The following ELAVL2 variants were observed in gnomAD, a reference collection of about 807,000 sequenced individuals.
ELAVL2 encodes ELAV-like protein 2.
In ELAVL2, 4 loss-of-function variants were observed where a neutral mutation model predicts 34.6. The observed-to-expected ratio is 0.12, with a 90% CI of 0.06 to 0.26. ELAVL2 has a LOEUF of 0.26. Ranked by LOEUF, ELAVL2 falls within the 10% of genes least tolerant of loss-of-function variation. ELAVL2 has a pLI of 1.00. For synonymous variants in ELAVL2, 193 were observed against 154.8 expected, an observed-to-expected ratio of 1.25 and a Z score of -1.83; for missense variants, 432 against 442.8, an observed-to-expected ratio of 0.98 and a Z score of 0.22.
chr9:23,847,440 C>T, the ELAVL2 span: 2 of 151,954 alleles, frequency 1.3e-5, no homozygotes, highest in Non-Finnish European at 2.9e-5. Context: ...CAATGACTTT[C>T]TATGAGAGTA....
chr9:23,746,067 T>G (rs142579380), intron 2 of ELAVL2, among the ~76,000 whole-genome samples: 11 of 152,206 alleles, frequency 7.2e-5, no homozygotes, highest in African/African-American at 2.6e-4. Context: ...CCTACTATTT[T>G]CAAAATTAAA....
chr9:23,845,587 G>C, the ELAVL2 span, among the ~76,000 whole-genome samples: 4 of 151,000 alleles, frequency 2.6e-5, no homozygotes, highest in Non-Finnish European at 5.9e-5. Context: ...TAATAACCTG[G>C]TTCTTAAAAT....
In ELAVL2 at chr9:23,727,852, G is replaced by A. The variant is rs554318835; in HGVS notation, c.333+3170C>T. 2.0e-5 allele frequency among the ~76,000 whole-genome samples: 3 copies of A among 152,152 alleles called. No individual in the cohort carries two copies. In the East Asian group the frequency reaches 5.8e-4, roughly 29 times the overall value. ...CCTACTGAGCTAATGCTATTAGGGA[G>A]CCCCAGGAGAAACTGCTAAATAAAC... On this transcript the variant is annotated intron_variant, in intron 3 of 6. Coordinates refer to ENST00000397312, the MANE Select transcript of ELAVL2 (RefSeq NM_004432.5).
chr9:23,750,205 T>A (rs2135534548), intron 2 of ELAVL2, among the ~76,000 whole-genome samples: 1 of 152,188 alleles, frequency 6.6e-6, no homozygotes, highest in South Asian at 2.1e-4. Context: ...GATTCCATAT[T>A]CTACTTTTAA....
At chr9:23,757,679 GATGA>G (rs1405926236) in intron 2 of ELAVL2, among the ~76,000 whole-genome samples, 3 of 152,024 alleles carry the variant, frequency 2.0e-5, no homozygotes, top group African/African-American at 7.2e-5. Context: ...AGCTTCTCAT[GATGA>G]ATGCCTATAG....
Position 23,701,405 on chromosome 9 carries a change from C to T in ELAVL2, c.687G>A (p.Pro229=), listed in dbSNP as rs201181286. 3.8e-4 allele frequency: 610 copies of T among 1,613,932 alleles called. No homozygotes were observed. The highest frequency in any genetic ancestry group is 4.8e-4 in the Non-Finnish European group (564 of 1,179,966). ...YQSPNRRYPG[P]LAQQAQRFRL... The stretch of plus-strand genomic sequence containing the variant: ...TAAAACGCTGTGCCTGCTGAGCTAG[C>T]GGTCCTGGATACCTTCTGTTTGGAG... The change falls in exon 5 of 7, where the codon CCG becomes CCA. Residue 229 remains proline (P), a synonymous_variant. Coordinates refer to ENST00000397312, the MANE Select transcript of ELAVL2 (RefSeq NM_004432.5).
At chr9:23,833,911 T>C in the ELAVL2 span, among the ~76,000 whole-genome samples, 33,440 of 151,856 alleles carry the variant, frequency 0.22, 4,070 homozygotes, top group Non-Finnish European at 0.26. Context: ...ATATCACACA[T>C]AACTAATTAT....
At chr9:23,810,121 C>T (rs946759189) in intron 1 of ELAVL2, among the ~76,000 whole-genome samples, 1 of 152,010 alleles carries the variant, frequency 6.6e-6, no homozygotes, top group Non-Finnish European at 1.5e-5. Context: ...TCACTTTCAC[C>T]TTTTTCTTGA....
At chr9:23,763,117 T>C (rs528732025) in intron 1 of ELAVL2, among the ~76,000 whole-genome samples, 2 of 152,024 alleles carry the variant, frequency 1.3e-5, no homozygotes, top group African/African-American at 2.4e-5. Flanking sequence ...TGTAAATATA[T>C]CAACTTTTGC....
At chr9:23,724,113 G>T (rs1005561896) in intron 3 of ELAVL2, among the ~76,000 whole-genome samples, 1 of 152,146 alleles carries the variant, frequency 6.6e-6, no homozygotes, top group Non-Finnish European at 1.5e-5. Context: ...GCCATGAGGG[G>T]CTATGATACC....
At chr9:23,836,187 G>A in the ELAVL2 span, among the ~76,000 whole-genome samples, 5 of 152,220 alleles carry the variant, frequency 3.3e-5, no homozygotes, top group African/African-American at 1.2e-4. Context: ...TTATACCTTT[G>A]GTCATTGTCA....
At chr9:23,709,563 C>G (rs2040370484) in intron 3 of ELAVL2, among the ~76,000 whole-genome samples, 1 of 152,070 alleles carries the variant, frequency 6.6e-6, no homozygotes, top group African/African-American at 2.4e-5. Context: ...TTCTACAAGA[C>G]TAAACTCCCT....
intron 1 of ELAVL2, among the ~76,000 whole-genome samples, chr9:23,786,804 G>C (rs1343509758): frequency 1.6e-5 from 2 of 127,282 alleles, no homozygotes; most frequent in Non-Finnish European, 3.4e-5. Flanking sequence ...AAAAAAAAAA[G>C]AGAGAGAGAG....
At chr9:23,749,850 T>C (rs1240386222) in intron 2 of ELAVL2, among the ~76,000 whole-genome samples, 2 of 152,032 alleles carry the variant, frequency 1.3e-5, no homozygotes, top group African/African-American at 4.8e-5. Context: ...TGAGACCTTC[T>C]TTCATTATAA....
intron 1 of ELAVL2, among the ~76,000 whole-genome samples, chr9:23,801,396 A>C (rs1018815888): frequency 3.9e-5 from 6 of 152,164 alleles, no homozygotes; most frequent in African/African-American, 1.4e-4. Flanking sequence ...TTGAAAGGAA[A>C]AGTTATACTG....
Position 23,817,959 on chromosome 9 carries a change from C to A in ELAVL2, c.-16+7847G>T, listed in dbSNP as rs1049875954. Among the ~76,000 whole-genome samples, 31 of 152,204 alleles carry A rather than the reference C, an allele frequency of 2.0e-4. 1 individual carries two copies. The highest frequency in any genetic ancestry group is 1.5e-3 in the Admixed American group (23 of 15,286). On this transcript the variant is annotated intron_variant, in intron 1 of 6. Transcript: ENST00000397312. ...CTTCTGTTTCCACTTGGCAAATTTA[C>A]GTTATGTGAAATCCTTAAATAATTA...
intron 2 of ELAVL2, among the ~76,000 whole-genome samples, chr9:23,733,092 T>C (rs1319529582): frequency 6.7e-6 from 1 of 149,506 alleles, no homozygotes; most frequent in Non-Finnish European, 1.5e-5. Context: ...TACTGATAGA[T>C]ACTCCTCCTC....
intron 1 of ELAVL2, among the ~76,000 whole-genome samples, chr9:23,783,101 A>T (rs1218902105): frequency 6.6e-6 from 1 of 151,926 alleles, no homozygotes; most frequent in Non-Finnish European, 1.5e-5. Flanking sequence ...TTATCTCAAA[A>T]GGGCAATAAG....
At chr9:23,801,890 T>C (rs1462152167) in intron 1 of ELAVL2, among the ~76,000 whole-genome samples, 2 of 152,072 alleles carry the variant, frequency 1.3e-5, no homozygotes, top group South Asian at 4.1e-4. Flanking sequence ...CAAATAGGAA[T>C]TGACAGGTGG....
Sources: allele counts gnomAD v4.1 joint callset (sites outside exome capture counted in the v4.1 genomes callset), GRCh38; gene constraint gnomAD v4.1.1; transcripts MANE v1.5; gene names NCBI Gene and HGNC (gene_info 2026-07-23, HGNC 2026-07-21).